Variants in SLC9A9 observed in about 807,000 individuals in gnomAD.
SLC9A9 encodes the protein sodium/hydrogen exchanger 9.
Under a neutral mutation model 77.8 loss-of-function variants are expected in SLC9A9, and 62 were observed. That is an observed-to-expected ratio of 0.80 (90% confidence interval 0.65 to 0.98). The LOEUF is 0.98. Among genes scored for constraint, SLC9A9 ranks in the 50% least tolerant of loss-of-function variants. SLC9A9 has a pLI of 0.00. For synonymous variants in SLC9A9, 320 were observed against 283.5 expected (o/e 1.13, Z -1.29); for missense variants, 775 against 774.9 (o/e 1.00, Z 0.00).
intron 14 of SLC9A9, among the ~76,000 whole-genome samples, chr3:143,288,616 G>A (rs1242137892): frequency 6.6e-6 from 1 of 152,138 alleles, no homozygotes; most frequent in East Asian, 1.9e-4. Flanking sequence ...TTTCATGATT[G>A]CTATAGAGAG....
chr3:143,595,665 A>G (rs1213149494), intron 6 of SLC9A9, among the ~76,000 whole-genome samples: 1 of 152,234 alleles, frequency 6.6e-6, no homozygotes, highest in East Asian at 1.9e-4. Flanking sequence ...GACAGAAACT[A>G]CAAGACTGGC....
chr3:143,596,006 G>T (rs2108682642), intron 6 of SLC9A9, among the ~76,000 whole-genome samples: 1 of 152,186 alleles, frequency 6.6e-6, no homozygotes. Context: ...CATTTTTCTG[G>T]ACCAGGATGA....
At chr3:143,669,093 T>C (rs1309167961) in intron 5 of SLC9A9, among the ~76,000 whole-genome samples, 1 of 152,212 alleles carries the variant, frequency 6.6e-6, no homozygotes, top group Non-Finnish European at 1.5e-5. Flanking sequence ...ATCCTGCATT[T>C]ACATAATCCA....
intron 6 of SLC9A9, among the ~76,000 whole-genome samples, chr3:143,580,097 C>T (rs1291181391): frequency 1.3e-5 from 2 of 151,964 alleles, no homozygotes; most frequent in African/African-American, 4.8e-5. Context: ...TTGTGCTTTG[C>T]AGGAAAAAAG....
At chr3:143,295,360 G>A (rs748842387) in intron 14 of SLC9A9, among the ~76,000 whole-genome samples, 2 of 152,194 alleles carry the variant, frequency 1.3e-5, no homozygotes, top group Non-Finnish European at 2.9e-5. Context: ...TTTTGAGGTG[G>A]CTTTCCTGAT....
chr3:143,710,789 A>G (rs767931561), intron 4 of SLC9A9, among the ~76,000 whole-genome samples: 1 of 152,036 alleles, frequency 6.6e-6, no homozygotes, highest in Non-Finnish European at 1.5e-5. Context: ...CTAATCTATC[A>G]CTCCAGAAAA....
chr3:143,373,602 T>C (rs1408637192), intron 13 of SLC9A9, among the ~76,000 whole-genome samples: 1 of 19,792 alleles, frequency 5.1e-5, no homozygotes, highest in Non-Finnish European at 1.1e-4. Flanking sequence ...GCCACTGAAA[T>C]AGTAAAAAAA....
chr3:143,842,376 G>A (rs1049905288), intron 1 of SLC9A9, among the ~76,000 whole-genome samples: 6 of 152,006 alleles, frequency 3.9e-5, no homozygotes, highest in African/African-American at 1.2e-4. Flanking sequence ...GCGAGACTCC[G>A]TCTCAAAAAA....
chr3:143,603,777 C>T (rs943352478), intron 6 of SLC9A9, among the ~76,000 whole-genome samples: 13 of 152,198 alleles, frequency 8.5e-5, no homozygotes, highest in Non-Finnish European at 1.3e-4. Flanking sequence ...AATGGACAAC[C>T]GTTACTTAGG....
chr3:143,628,292 C>T (rs1560001779), intron 6 of SLC9A9, among the ~76,000 whole-genome samples: 1 of 152,216 alleles, frequency 6.6e-6, no homozygotes, highest in Non-Finnish European at 1.5e-5. Context: ...GTTGAAGATG[C>T]ATTTAATATA....
intron 6 of SLC9A9, among the ~76,000 whole-genome samples, chr3:143,607,918 T>C (rs992441392): frequency 2.6e-5 from 4 of 152,212 alleles, no homozygotes; most frequent in East Asian, 1.9e-4. Context: ...ATGTATAATT[T>C]TCACAGGAGT....
rs113827008 is a variant in SLC9A9, at chr3:143,652,810, C to CACACACACACACACACACACACACAT, written c.650-451_650-450insATGTGTGTGTGTGTGTGTGTGTGTGT. 3.9e-4 allele frequency among the ~76,000 whole-genome samples: 58 copies of CACACACACACACACACACACACACAT among 148,260 alleles called. 1 individual carries two copies. The highest frequency in any genetic ancestry group is 2.2e-3 in the East Asian group (11 of 4,968). On this transcript the variant is annotated intron_variant, in intron 5 of 15. Coordinates refer to ENST00000316549, the MANE Select transcript of SLC9A9 (RefSeq NM_173653.4). ...ACACACACACACACACACACACACA[C>CACACACACACACACACACACACACAT]ACTTCTTGCTACCAAGGACTCATTT...
Position 143,645,382 on chromosome 3 carries a change from C to T in SLC9A9, c.755+6873G>A, listed in dbSNP as rs565486977. Among the ~76,000 whole-genome samples the T allele has an allele frequency of 6.6e-5, 10 of 152,240 alleles. No individual in the cohort carries two copies. The East Asian group carries it at 7.7e-4, about 12-fold the overall frequency. On this transcript the variant is annotated intron_variant, in intron 6 of 15. Transcript: ENST00000316549. ...TGGTTTCTAGGGTGAGGTTTTGTTACGCATATTAAATCCCTTTATAGATAT... is the reference window on the plus strand; with the variant it reads ...TGGTTTCTAGGGTGAGGTTTTGTTATGCATATTAAATCCCTTTATAGATAT...
intron 8 of SLC9A9, among the ~76,000 whole-genome samples, chr3:143,571,883 C>A (rs2037263245): frequency 6.6e-6 from 1 of 152,212 alleles, no homozygotes; most frequent in South Asian, 2.1e-4. Flanking sequence ...AATAAACAAA[C>A]AAACACATAA....
At position 143,315,527 on chromosome 3, in the gene SLC9A9, A is replaced by T. The variant is rs529649941; in HGVS notation, c.1605-46547T>A. Among the ~76,000 whole-genome samples, 10 of 152,328 alleles carry T rather than the reference A, an allele frequency of 6.6e-5. No individual in the cohort carries two copies. The East Asian group carries it at 1.7e-3, about 26-fold the overall frequency. ...TGCTTCCCACACAGAATAAGTCCGT[A>T]GCTGGTCCTAGCCAAACATCCCTAC... is the stretch of plus-strand genomic sequence containing the variant. On this transcript the variant is annotated intron_variant, in intron 14 of 15. Coordinates refer to ENST00000316549, the MANE Select transcript of SLC9A9 (RefSeq NM_173653.4).
chr3:143,796,688 G>A (rs2008393842), intron 3 of SLC9A9, 138 bp downstream of exon 3: 1 of 614,900 alleles, frequency 1.6e-6, no homozygotes, highest in Non-Finnish European at 2.9e-6. Flanking sequence ...AGCATGTCAG[G>A]TTTGAATCTG....
Position 143,375,977 on chromosome 3 carries a change from G to A in SLC9A9, c.1524+6083C>T, listed in dbSNP as rs140039592. ...CCTTTAGACATCTGCATGAATAAGA[G>A]CTAAAGACTGGCTGGCAACTCAACC... On this transcript the variant is annotated intron_variant, in intron 13 of 15. Transcript: ENST00000316549. 4.2e-3 allele frequency among the ~76,000 whole-genome samples: 636 copies of A among 152,218 alleles called. 4 individuals are homozygous for A. Among genetic ancestry groups the A allele is most frequent in the African/African-American group, 0.015 (607 of 41,522 alleles).
At position 143,502,247 on chromosome 3, in the gene SLC9A9, G is replaced by A. The variant is rs1262045431; in HGVS notation, c.1090-6799C>T. Among the ~76,000 whole-genome samples, 16 of 150,886 alleles carry A rather than the reference G, an allele frequency of 1.1e-4. 1 individual carries two copies. Among genetic ancestry groups the A allele is most frequent in the Admixed American group, 1.0e-3 (16 of 15,248 alleles). On this transcript the variant is annotated intron_variant, in intron 9 of 15. Transcript: ENST00000316549. ...CCAAGTTAAAAGTAATCTTTGCTTA[G>A]CAGGGCTTTTGTTCAAGGGGCAGGG...
At chr3:143,431,710 C>T (rs904035455) in intron 12 of SLC9A9, among the ~76,000 whole-genome samples, 10 of 152,024 alleles carry the variant, frequency 6.6e-5, no homozygotes, top group South Asian at 2.1e-4. Context: ...CTTGATCTCC[C>T]GACCTCGTGA....
Sources: allele counts gnomAD v4.1 joint callset (sites outside exome capture counted in the v4.1 genomes callset), GRCh38; gene constraint gnomAD v4.1.1; transcripts MANE v1.5; gene names NCBI Gene and HGNC (gene_info 2026-07-23, HGNC 2026-07-21).